Variants in MKRN2OS observed in about 807,000 individuals in gnomAD.
MKRN2OS encodes MKRN2 opposite strand protein.
Under a neutral mutation model 18.2 loss-of-function variants are expected in MKRN2OS, and 17 were observed. The ratio of observed to expected loss-of-function variants is 0.93; its 90% CI spans 0.64 to 1.40. MKRN2OS has a LOEUF of 1.40. Ranked by LOEUF, MKRN2OS falls within the 40% of genes most tolerant of loss-of-function variation. MKRN2OS has a pLI of 0.00. For synonymous variants in MKRN2OS, 121 were observed against 108.5 expected (o/e 1.12, Z -0.72); for missense variants, 337 against 283.0 (o/e 1.19, Z -1.37).
At chr3:12,540,515 A>C (rs1695230) in intron 3 of MKRN2OS, 82 bp from the exon 4 acceptor site, 1,077 of 1,508,730 alleles carry the variant, frequency 7.1e-4, no homozygotes, top group Non-Finnish European at 8.9e-4. Flanking sequence ...TTCCTAACTG[A>C]AATCGGGTGC....
chr3:12,558,164 G>C (rs1371485244), intron 1 of MKRN2OS, among the ~76,000 whole-genome samples: 1 of 152,168 alleles, frequency 6.6e-6, no homozygotes, highest in South Asian at 2.1e-4. Flanking sequence ...CTCTTCATTG[G>C]TATGAATAGT....
downstream of MKRN2OS, among the ~76,000 whole-genome samples, chr3:12,552,732 C>A (rs1264807103): frequency 6.6e-6 from 1 of 151,574 alleles, no homozygotes; most frequent in East Asian, 2.0e-4. Flanking sequence ...AATTAAAAAT[C>A]ATCCTGCAGG....
chr3:12,549,366 C>T (rs925245573), upstream of MKRN2OS, among the ~76,000 whole-genome samples: 1 of 152,028 alleles, frequency 6.6e-6, no homozygotes, highest in African/African-American at 2.4e-5. Flanking sequence ...GCCTTAGCCT[C>T]CCAAGTAACT....
At chr3:12,560,764 G>C (rs1397420708) in exon 1 of MKRN2OS, 1 of 152,310 alleles carries the variant, frequency 6.6e-6, no homozygotes, top group Non-Finnish European at 1.5e-5. Context: ...TACCTGCTCT[G>C]AGTCTCCAGC....
upstream of MKRN2OS, among the ~76,000 whole-genome samples, chr3:12,548,877 TAGACAC>T (rs1163754870): frequency 6.6e-6 from 1 of 152,178 alleles, no homozygotes; most frequent in Non-Finnish European, 1.5e-5. Context: ...AAATAAAACA[TAGACAC>T]AGAAAACTAC....
At chr3:12,544,792 C>T (rs115150775) in intron 1 of MKRN2OS, among the ~76,000 whole-genome samples, 3 of 152,316 alleles carry the variant, frequency 2.0e-5, no homozygotes, top group Non-Finnish European at 2.9e-5. Flanking sequence ...CAGGTGGTGT[C>T]TACAGTGGAA....
chr3:12,556,505 A>G (rs2057972252), intron 1 of MKRN2OS, among the ~76,000 whole-genome samples: 1 of 152,188 alleles, frequency 6.6e-6, no homozygotes, highest in African/African-American at 2.4e-5. Context: ...GGAAGTGTCA[A>G]AAATAACTTT....
upstream of MKRN2OS, among the ~76,000 whole-genome samples, chr3:12,545,830 A>G (rs868126207): frequency 1.3e-5 from 2 of 152,200 alleles, no homozygotes; most frequent in African/African-American, 4.8e-5. Context: ...ATTTAGAGAC[A>G]GGGTCTCACT....
chr3:12,554,268 G>A (rs530082367), intron 1 of MKRN2OS: 2 of 152,234 alleles, frequency 1.3e-5, no homozygotes, highest in East Asian at 1.9e-4. Context: ...TGAGTTCCAC[G>A]TCCCGGGTGG....
chr3:12,545,452 CT>C lies in MKRN2OS; in HGVS notation c.12del (p.Glu5ArgfsTer6). 5 of 1,531,120 alleles carry C rather than the reference CT, an allele frequency of 3.3e-6. No individual in the cohort carries two copies. The highest frequency in any genetic ancestry group is 4.4e-6 in the Non-Finnish European group (5 of 1,144,452). The allele number at this position is 1,531,120 out of a possible 1,614,324, so 94.8% of individuals were successfully genotyped here. A position where few individuals can be genotyped will look rare whatever the true frequency, so the allele number is the denominator to read the frequency against. On this transcript the variant is annotated frameshift_variant, in exon 1 of 4. Transcript: ENST00000564146. LOFTEE classifies it high-confidence loss of function. MHC[A>X]EAGKALIKFN... ...AATTTAATTAAAGCCTTCCCAGCCT[CT>C]GCGCAGTGCATAGCTTTCGCCTCCT...
chr3:12,544,387 T>C (rs1014665534), intron 1 of MKRN2OS, among the ~76,000 whole-genome samples: 1 of 152,106 alleles, frequency 6.6e-6, no homozygotes, highest in African/African-American at 2.4e-5. Flanking sequence ...CAATAAAATA[T>C]AAACCTGGCG....
At chr3:12,543,574 G>C (rs113760078) in intron 1 of MKRN2OS, among the ~76,000 whole-genome samples, 1 of 145,496 alleles carries the variant, frequency 6.9e-6, no homozygotes, top group Non-Finnish European at 1.5e-5. Flanking sequence ...GGGATAGAAC[G>C]AGAGTCTGTC....
At chr3:12,548,317 G>A (rs1015537930), upstream of MKRN2OS, among the ~76,000 whole-genome samples, 2 of 152,180 alleles carry the variant, frequency 1.3e-5, no homozygotes, top group South Asian at 2.1e-4. Context: ...GCACGGTGGC[G>A]GGTGTCTGCA....
exon 1 of MKRN2OS, chr3:12,560,871 G>A (rs535032153): frequency 2.6e-5 from 4 of 152,214 alleles, no homozygotes; most frequent in African/African-American, 4.8e-5. Flanking sequence ...CCATCAGAAA[G>A]GTTGAGCAGT....
downstream of MKRN2OS, among the ~76,000 whole-genome samples, chr3:12,550,720 G>T (rs561493118): frequency 3.9e-5 from 6 of 152,090 alleles, no homozygotes; most frequent in Admixed American, 6.5e-5. Context: ...CCCCTCAGTC[G>T]AATTCTTTCT....
intron 1 of MKRN2OS, among the ~76,000 whole-genome samples, chr3:12,544,396 C>T (rs917413389): frequency 3.3e-5 from 5 of 152,158 alleles, no homozygotes; most frequent in Admixed American, 2.6e-4. Flanking sequence ...ATAAACCTGG[C>T]GGGGCACAGT....
rs766014048 is a variant in MKRN2OS, at chr3:12,545,406, A to G, written c.59T>C (p.Ile20Thr). The change falls in exon 1 of 4, where the codon ATC (isoleucine) becomes ACC (threonine). Residue 20 changes from isoleucine to threonine, a missense_variant. Ile to Thr is a moderately conservative substitution (Grantham distance 89). Transcript: ENST00000564146. ...LIKFNHCEKY[I>T]YSFSVPQCCP... ...GCACTGGGGCACACTGAAGCTGTAGATGTATTTCTCACAGTGGTTGAATTT... is the reference window on the plus strand; with the variant it reads ...GCACTGGGGCACACTGAAGCTGTAGGTGTATTTCTCACAGTGGTTGAATTT... 2.7e-5 allele frequency: 41 copies of G among 1,535,518 alleles called. No homozygotes were observed. In the South Asian group the frequency reaches 4.0e-4, roughly 15 times the overall value.
chr3:12,541,995 C>A lies in MKRN2OS; in HGVS notation c.296G>T (p.Gly99Val). ...NGVVYNYSAH[G>V]VQRDGEGWEE... ...CCACCCTTCTCCGTCTCGCTGGACACCATGTGCACTGTAATTATACACAAC... is the reference window on the plus strand; with the variant it reads ...CCACCCTTCTCCGTCTCGCTGGACAACATGTGCACTGTAATTATACACAAC... The change falls in exon 3 of 4, where the codon GGT becomes GTT. Residue 99 changes from glycine to valine, a missense_variant. By Grantham distance (109) the Gly-to-Val change is moderately radical (BLOSUM62 -3). Transcript: ENST00000564146. 1 of 1,535,894 alleles carries A rather than the reference C, an allele frequency of 6.5e-7. No individual in the cohort carries two copies. Among genetic ancestry groups the A allele is most frequent in the East Asian group, 2.4e-5 (1 of 40,912 alleles).
At chr3:12,541,767 G>A in intron 3 of MKRN2OS, 93 bp downstream of exon 3, 2 of 1,289,614 alleles carry the variant, frequency 1.6e-6, no homozygotes, top group Non-Finnish European at 2.1e-6. Context: ...GAAGCTAAGT[G>A]CTGCTGAGTC....
Sources: gnomAD v4.1 joint callset for allele counts (sites outside exome capture counted in the v4.1 genomes callset) on GRCh38, gnomAD v4.1.1 for gene constraint, MANE v1.5 for transcripts, NCBI Gene and HGNC (gene_info 2026-07-23, HGNC 2026-07-21) for gene names.